The following XKR9 variants were observed in gnomAD, a reference collection of about 807,000 sequenced individuals.
XKR9 encodes the protein XK-related protein 9.
A neutral mutation model predicts 32.0 loss-of-function variants in XKR9; 32 were observed. The observed-to-expected ratio is 1.00, with a 90% CI of 0.76 to 1.34. The LOEUF is 1.34. Among genes scored for constraint, XKR9 ranks in the 40% most tolerant of loss-of-function variants. The pLI is 0.00. For synonymous variants in XKR9, 168 were observed against 143.4 expected (o/e 1.17, Z -1.22); for missense variants, 546 against 429.7 (o/e 1.27, Z -2.39).
the XKR9 span, among the ~76,000 whole-genome samples, chr8:70,959,447 C>G: frequency 6.6e-6 from 1 of 152,120 alleles, no homozygotes; most frequent in African/African-American, 2.4e-5. Context: ...ATTTATTTAT[C>G]CTTTTAGCTA....
intron 2 of XKR9, among the ~76,000 whole-genome samples, chr8:70,750,611 C>A (rs1018554012): frequency 1.3e-4 from 20 of 152,088 alleles, no homozygotes; most frequent in Non-Finnish European, 2.6e-4. Context: ...GTCTGCTCTT[C>A]CTTTTAGAAA....
chr8:70,880,898 G>T, the XKR9 span, among the ~76,000 whole-genome samples: 1 of 152,146 alleles, frequency 6.6e-6, no homozygotes, highest in East Asian at 1.9e-4. Flanking sequence ...AACCAAAACA[G>T]CATGGTACTG....
At chr8:70,777,464 A>G (rs990931656) in intron 2 of XKR9, among the ~76,000 whole-genome samples, 3 of 152,208 alleles carry the variant, frequency 2.0e-5, no homozygotes, top group Non-Finnish European at 4.4e-5. Context: ...TCCTTTGGGT[A>G]TATACCCAGT....
chr8:70,933,965 G>A, the XKR9 span, among the ~76,000 whole-genome samples: 4 of 151,860 alleles, frequency 2.6e-5, no homozygotes, highest in East Asian at 1.9e-4. Context: ...TTGTGGATGA[G>A]AAACCAAATC....
At chr8:70,694,825 C>A (rs1006451376) in intron 3 of XKR9, among the ~76,000 whole-genome samples, 3 of 152,204 alleles carry the variant, frequency 2.0e-5, no homozygotes, top group African/African-American at 7.2e-5. Flanking sequence ...GTACAGGAGT[C>A]TAACATCCTA....
intron 2 of XKR9, among the ~76,000 whole-genome samples, chr8:70,773,282 G>A (rs1339751120): frequency 6.6e-6 from 1 of 152,214 alleles, no homozygotes; most frequent in Non-Finnish European, 1.5e-5. Flanking sequence ...TGGATATGCA[G>A]GGAAGCAGGC....
intron 3 of XKR9, among the ~76,000 whole-genome samples, chr8:70,687,173 T>G (rs533497730): frequency 1.3e-5 from 2 of 152,280 alleles, no homozygotes; most frequent in African/African-American, 4.8e-5. Context: ...TTGTTTCAAT[T>G]TTTAGCTCCA....
chr8:70,715,702 TAGA>T (rs1806064300), intron 4 of XKR9, among the ~76,000 whole-genome samples: 2 of 152,094 alleles, frequency 1.3e-5, no homozygotes, highest in South Asian at 4.1e-4. Flanking sequence ...AAGATGATTC[TAGA>T]AGATTTGAGA....
chr8:70,805,719 T>C, the XKR9 span, among the ~76,000 whole-genome samples: 6 of 151,980 alleles, frequency 3.9e-5, no homozygotes, highest in Non-Finnish European at 7.4e-5. Context: ...CTCCAATAAC[T>C]CCAGCCAGAG....
chr8:70,791,699 G>A (rs1197927040), downstream of XKR9, among the ~76,000 whole-genome samples: 2 of 151,840 alleles, frequency 1.3e-5, no homozygotes, highest in Non-Finnish European at 2.9e-5. Context: ...CCTCAATTTT[G>A]TACTTCCCAG....
intron 1 of XKR9, among the ~76,000 whole-genome samples, chr8:70,674,054 G>A (rs1818805175): frequency 6.6e-6 from 1 of 151,948 alleles, no homozygotes; most frequent in Non-Finnish European, 1.5e-5. Flanking sequence ...TGTAATCCTA[G>A]CACTGTTGGG....
chr8:70,789,176 G>A (rs766085595), intron 2 of XKR9, among the ~76,000 whole-genome samples: 9 of 151,420 alleles, frequency 5.9e-5, no homozygotes, highest in Non-Finnish European at 1.0e-4. Flanking sequence ...AGGTCTGAAG[G>A]GAAATATCTA....
chr8:70,868,120 T>C, the XKR9 span, among the ~76,000 whole-genome samples: 5 of 152,166 alleles, frequency 3.3e-5, no homozygotes, highest in African/African-American at 1.2e-4. Flanking sequence ...ATAGCTTCTC[T>C]CCTGGCTGCT....
the XKR9 span, among the ~76,000 whole-genome samples, chr8:70,913,638 A>G: frequency 1.3e-5 from 2 of 152,158 alleles, no homozygotes; most frequent in South Asian, 4.1e-4. Context: ...ACATAAAAGT[A>G]TGCTAATCAT....
chr8:70,941,658 T>C, the XKR9 span, among the ~76,000 whole-genome samples: 211 of 152,250 alleles, frequency 1.4e-3, no homozygotes, highest in African/African-American at 4.8e-3. Flanking sequence ...ATTGAGTGTC[T>C]TAGGTATTAA....
At chr8:70,816,736 C>CACAATATTAGCA in the XKR9 span, among the ~76,000 whole-genome samples, 3 of 151,728 alleles carry the variant, frequency 2.0e-5, no homozygotes, top group Non-Finnish European at 2.9e-5. Flanking sequence ...AGATTCTCAT[C>CACAATATTAGCA]AACCAAACCC....
At chr8:70,830,814 T>G in the XKR9 span, among the ~76,000 whole-genome samples, 2 of 152,200 alleles carry the variant, frequency 1.3e-5, no homozygotes, top group African/African-American at 4.8e-5. Flanking sequence ...ATTATTGACT[T>G]CTTACATACA....
chr8:71,019,762 C>T, the XKR9 span, among the ~76,000 whole-genome samples: 1 of 152,074 alleles, frequency 6.6e-6, no homozygotes, highest in Non-Finnish European at 1.5e-5. Context: ...CGGATGTTAT[C>T]CATTAAGGTG....
chr8:70,799,202 T>C, the XKR9 span, among the ~76,000 whole-genome samples: 3 of 152,234 alleles, frequency 2.0e-5, no homozygotes, highest in African/African-American at 7.2e-5. Flanking sequence ...TTTTTTCATT[T>C]GTTTGGGTCA....
Sources: allele counts gnomAD v4.1 joint callset (sites outside exome capture counted in the v4.1 genomes callset), GRCh38; gene constraint gnomAD v4.1.1; transcripts MANE v1.5; gene names NCBI Gene and HGNC (gene_info 2026-07-23, HGNC 2026-07-21).